BST1: variants seen among roughly 807,000 people sequenced by gnomAD.
BST1 encodes ADP-ribosyl cyclase/cyclic ADP-ribose hydrolase 2.
A neutral mutation model predicts 40.6 loss-of-function variants in BST1; 49 were observed. That is an observed-to-expected ratio of 1.21 (90% confidence interval 0.96 to 1.53). The LOEUF is 1.53. Among genes scored for constraint, BST1 ranks in the 40% most tolerant of loss-of-function variants. The pLI is 0.00. For synonymous variants in BST1, 157 were observed against 159.3 expected, an observed-to-expected ratio of 0.99 and a Z score of 0.11; for missense variants, 423 against 395.9, an observed-to-expected ratio of 1.07 and a Z score of -0.58.
the BST1 span, among the ~76,000 whole-genome samples, chr4:15,748,972 A>T: frequency 6.6e-6 from 1 of 152,190 alleles, no homozygotes; most frequent in African/African-American, 2.4e-5. Context: ...GAGACGAGGG[A>T]GGGAAGCAGC....
intron 1 of BST1, chr4:15,705,063 A>G: frequency 1.4e-6 from 1 of 706,470 alleles, no homozygotes. Context: ...CTGCTTTGCC[A>G]GAGGTGGAAG....
chr4:15,754,112 A>G, the BST1 span, among the ~76,000 whole-genome samples: 374 of 152,310 alleles, frequency 2.5e-3, 2 homozygotes, highest in Admixed American at 3.1e-3. Context: ...CTTCGTGTGT[A>G]TCATCAGTGG....
At chr4:15,769,800 A>G in the BST1 span, among the ~76,000 whole-genome samples, 1 of 152,096 alleles carries the variant, frequency 6.6e-6, no homozygotes. Context: ...TACGAGTGGG[A>G]GCATTTTTCT....
chr4:15,770,082 C>T, the BST1 span, among the ~76,000 whole-genome samples: 3 of 152,154 alleles, frequency 2.0e-5, no homozygotes, highest in Admixed American at 6.5e-5. Context: ...TCAAGTGATC[C>T]GCCCACCTTG....
At chr4:15,728,323 G>A (rs1721213510) in intron 8 of BST1, among the ~76,000 whole-genome samples, 2 of 152,044 alleles carry the variant, frequency 1.3e-5, no homozygotes, top group South Asian at 4.1e-4. Context: ...TAAATTTAGG[G>A]ACAATCTGTA....
the BST1 span, among the ~76,000 whole-genome samples, chr4:15,750,801 T>C: frequency 6.6e-6 from 1 of 151,778 alleles, no homozygotes; most frequent in Admixed American, 6.6e-5. Flanking sequence ...TAATTGTAAC[T>C]GGGTTTTTTT....
At chr4:15,720,487 G>T (rs1031918061) in intron 7 of BST1, among the ~76,000 whole-genome samples, 1 of 151,834 alleles carries the variant, frequency 6.6e-6, no homozygotes, top group Non-Finnish European at 1.5e-5. Flanking sequence ...TGTGGTGACT[G>T]GTGCCTGTAA....
chr4:15,731,712 C>G (rs757907057), intron 8 of BST1, 28 bp from the exon 9 acceptor site: 1 of 1,597,912 alleles, frequency 6.3e-7, no homozygotes, highest in Non-Finnish European at 8.5e-7. Context: ...AATACTGACA[C>G]TTTCTCTATT....
At chr4:15,707,463 G>C in intron 2 of BST1, 48 bp from the exon 3 acceptor site, 1 of 1,612,226 alleles carries the variant, frequency 6.2e-7, no homozygotes, top group Non-Finnish European at 8.5e-7. Flanking sequence ...CTGAGGAGTC[G>C]GTTTTGATTC....
the BST1 span, among the ~76,000 whole-genome samples, chr4:15,773,591 A>G: frequency 6.6e-6 from 1 of 152,204 alleles, no homozygotes; most frequent in Non-Finnish European, 1.5e-5. Flanking sequence ...GCCTGAATCC[A>G]GGAGTTTGAA....
intron 4 of BST1, among the ~76,000 whole-genome samples, chr4:15,713,206 C>CTTTTTTT (rs34681185): frequency 7.8e-5 from 9 of 114,754 alleles, no homozygotes; most frequent in Non-Finnish European, 1.2e-4. Flanking sequence ...ATATTTTCAT[C>CTTTTTTT]TTTTTTTTTT....
chr4:15,759,337 C>T, the BST1 span, among the ~76,000 whole-genome samples: 1 of 151,840 alleles, frequency 6.6e-6, no homozygotes, highest in Admixed American at 6.6e-5. Context: ...CTGTATTCAC[C>T]ACACTCAAGT....
chr4:15,773,968 G>A, the BST1 span, among the ~76,000 whole-genome samples: 3 of 152,174 alleles, frequency 2.0e-5, no homozygotes, highest in Non-Finnish European at 4.4e-5. Flanking sequence ...AAATTCATAT[G>A]TTGAAATCCT....
chr4:15,719,389 C>T (rs944620445), intron 7 of BST1, among the ~76,000 whole-genome samples: 13 of 152,144 alleles, frequency 8.5e-5, no homozygotes, highest in African/African-American at 1.7e-4. Context: ...TTTACAGACA[C>T]ATCTTGACCA....
chr4:15,764,883 T>A, the BST1 span, among the ~76,000 whole-genome samples: 1 of 150,012 alleles, frequency 6.7e-6, no homozygotes, highest in East Asian at 2.0e-4. Flanking sequence ...GGTGTGTGTG[T>A]GTGTGTGTGT....
chr4:15,737,464 G>T (rs1291325076), downstream of BST1, among the ~76,000 whole-genome samples: 2 of 152,204 alleles, frequency 1.3e-5, no homozygotes, highest in African/African-American at 4.8e-5. Context: ...GGTCTGGGCA[G>T]CAAGGGGGCA....
In BST1 at chr4:15,704,857, C is replaced by A. The variant is rs148093659; in HGVS notation, c.189-658C>A. 1.9e-3 allele frequency: 1,325 copies of A among 713,196 alleles called. 20 individuals carry two copies. In the African/African-American group the frequency reaches 0.023, roughly 12 times the overall value. 44.2% of individuals were successfully genotyped at this position (713,196 alleles called of 1,614,324 possible). ...ACTGATTTTTGTTCCTTCTGTGGCC[C>A]CCCTTTTCTTATGTTTGTGATGTCT... On this transcript the variant is annotated intron_variant, in intron 1 of 8. Transcript: ENST00000265016.
chr4:15,726,867 G>T (rs1221162744), intron 8 of BST1, among the ~76,000 whole-genome samples: 2 of 142,672 alleles, frequency 1.4e-5, no homozygotes, highest in Non-Finnish European at 3.0e-5. Context: ...CTTTTCCTCG[G>T]TATTTTTTTT....
the BST1 span, among the ~76,000 whole-genome samples, chr4:15,770,066 T>C: frequency 2.0e-5 from 3 of 152,134 alleles, no homozygotes; most frequent in Admixed American, 6.5e-5. Flanking sequence ...TCTCGAACTC[T>C]TGACCTCAAG....
Sources: allele counts gnomAD v4.1 joint callset (sites outside exome capture counted in the v4.1 genomes callset), GRCh38; gene constraint gnomAD v4.1.1; transcripts MANE v1.5; gene names NCBI Gene and HGNC (gene_info 2026-07-23, HGNC 2026-07-21).